Variants in GPR158 observed in about 807,000 individuals in gnomAD.
The protein encoded by GPR158 is G protein-coupled receptor 158, also known as metabotropic glycine receptor.
A neutral mutation model predicts 78.2 loss-of-function variants in GPR158; 30 were observed. The ratio of observed to expected loss-of-function variants is 0.38; its 90% CI spans 0.29 to 0.52. GPR158 has a LOEUF of 0.52. Among genes scored for constraint, GPR158 ranks in the 20% least tolerant of loss-of-function variants. The pLI is 0.83. For missense variants in GPR158, 1,463 were observed against 1,523.5 expected (o/e 0.96, Z 0.66); for synonymous variants, 581 against 591.1 (o/e 0.98, Z 0.25).
chr10:25,252,731 G>C (rs1183917182), intron 2 of GPR158, among the ~76,000 whole-genome samples: 1 of 152,150 alleles, frequency 6.6e-6, no homozygotes, highest in Non-Finnish European at 1.5e-5. Context: ...GTCAGACAGG[G>C]ACATTTAAGT....
intron 1 of GPR158, among the ~76,000 whole-genome samples, chr10:25,216,963 A>G (rs945930426): frequency 9.9e-5 from 15 of 152,170 alleles, no homozygotes; most frequent in Middle Eastern, 3.2e-3. Context: ...CGTGGATTTT[A>G]TTATTTAGGA....
At chr10:25,291,297 G>A (rs796749157) in intron 2 of GPR158, among the ~76,000 whole-genome samples, 1 of 151,912 alleles carries the variant, frequency 6.6e-6, no homozygotes, top group Admixed American at 6.5e-5. Flanking sequence ...TATTAGACAC[G>A]GGCCATAGAT....
intron 2 of GPR158, among the ~76,000 whole-genome samples, chr10:25,316,426 A>G (rs60127599): frequency 0.2 from 30,716 of 152,118 alleles, 5,232 homozygotes; most frequent in African/African-American, 0.47. Flanking sequence ...CAACTTGGTG[A>G]CCATTTGCAA....
chr10:25,569,825 G>A (rs1588916923), intron 6 of GPR158, among the ~76,000 whole-genome samples: 1 of 152,054 alleles, frequency 6.6e-6, no homozygotes, highest in African/African-American at 2.4e-5. Flanking sequence ...GTAGCTATTT[G>A]CAAACTTACT....
chr10:25,532,467 ATTC>A (rs748393133), intron 5 of GPR158, among the ~76,000 whole-genome samples: 18 of 152,046 alleles, frequency 1.2e-4, no homozygotes, highest in Non-Finnish European at 2.1e-4. Flanking sequence ...TTTCCTGTGA[ATTC>A]TTCTGCATTT....
chr10:25,218,505 G>T (rs1230830617), intron 1 of GPR158, among the ~76,000 whole-genome samples: 1 of 152,160 alleles, frequency 6.6e-6, no homozygotes, highest in African/African-American at 2.4e-5. Context: ...TCCACTGTCT[G>T]GGAACTGGAC....
intron 2 of GPR158, among the ~76,000 whole-genome samples, chr10:25,240,475 C>G (rs1853588648): frequency 6.6e-6 from 1 of 152,278 alleles, no homozygotes; most frequent in South Asian, 2.1e-4. Flanking sequence ...TGCCATCCAG[C>G]CTGGGAGACA....
chr10:25,596,597 C>A (rs374629063), intron 9 of GPR158, 46 bp from the exon 10 acceptor site: 3 of 1,465,382 alleles, frequency 2.0e-6, no homozygotes, highest in Non-Finnish European at 2.8e-6. Flanking sequence ...ATATGCAATG[C>A]GTTACAGTGA....
At chr10:25,399,211 A>G (rs927231461) in intron 3 of GPR158, among the ~76,000 whole-genome samples, 4 of 152,248 alleles carry the variant, frequency 2.6e-5, no homozygotes, top group African/African-American at 9.6e-5. Context: ...CTCACTCACT[A>G]TCATGAGAAT....
chr10:25,276,542 C>T (rs1269109806), intron 2 of GPR158, among the ~76,000 whole-genome samples: 1 of 152,076 alleles, frequency 6.6e-6, no homozygotes, highest in Non-Finnish European at 1.5e-5. Flanking sequence ...AGTCATAATG[C>T]TCTAAAACAA....
chr10:25,225,858 A>T (rs1264576515), intron 2 of GPR158, among the ~76,000 whole-genome samples: 1 of 152,186 alleles, frequency 6.6e-6, no homozygotes, highest in Non-Finnish European at 1.5e-5. Context: ...ATTTTAAAGA[A>T]GGCTAAAAAG....
chr10:25,310,710 T>A (rs1854751415), intron 2 of GPR158, among the ~76,000 whole-genome samples: 1 of 152,128 alleles, frequency 6.6e-6, no homozygotes, highest in Non-Finnish European at 1.5e-5. Flanking sequence ...TTATTGCATT[T>A]TTTGGACATT....
At chr10:25,542,028 G>A (rs1836594817) in intron 5 of GPR158, among the ~76,000 whole-genome samples, 2 of 149,592 alleles carry the variant, frequency 1.3e-5, no homozygotes, top group East Asian at 1.9e-4. Context: ...AGCCTCAGAT[G>A]TTCTTCAAAT....
intron 7 of GPR158, among the ~76,000 whole-genome samples, chr10:25,580,355 G>A (rs931189814): frequency 2.0e-5 from 3 of 151,842 alleles, no homozygotes; most frequent in African/African-American, 7.3e-5. Context: ...TGTCTTTCCT[G>A]GTACAATATT....
chr10:25,264,976 A>G (rs929481195), intron 2 of GPR158, among the ~76,000 whole-genome samples: 1 of 152,188 alleles, frequency 6.6e-6, no homozygotes, highest in African/African-American at 2.4e-5. Context: ...GCTTTGGGCT[A>G]TGTATATATC....
chr10:25,350,172 G>A (rs1471991504), intron 2 of GPR158, among the ~76,000 whole-genome samples: 4 of 151,730 alleles, frequency 2.6e-5, no homozygotes, highest in Non-Finnish European at 2.9e-5. Context: ...TGGGTTGACC[G>A]TAACTTACAA....
In GPR158 at chr10:25,278,467, T is replaced by C. The variant is rs76904859; in HGVS notation, c.1008+57310T>C. On this transcript the variant is annotated intron_variant, in intron 2 of 10. Transcript: ENST00000376351. ...ACTAACATATAGCTACCCAGATTAGTAGACTGAAAAAATAGAATGAGGAAG... is the reference window on the plus strand; with the variant it reads ...ACTAACATATAGCTACCCAGATTAGCAGACTGAAAAAATAGAATGAGGAAG... Among the ~76,000 whole-genome samples the C allele has an allele frequency of 1.4e-3, 217 of 152,126 alleles. 1 individual carries two copies. Among genetic ancestry groups the C allele is most frequent in the African/African-American group, 5.1e-3 (213 of 41,530 alleles).
chr10:25,526,568 A>G (rs1324609682), intron 5 of GPR158, among the ~76,000 whole-genome samples: 1 of 152,210 alleles, frequency 6.6e-6, no homozygotes, highest in African/African-American at 2.4e-5. Flanking sequence ...GAGTTGTTAA[A>G]CTATGATAGG....
chr10:25,321,626 T>C (rs1007424098), intron 2 of GPR158, among the ~76,000 whole-genome samples: 1 of 147,604 alleles, frequency 6.8e-6, no homozygotes, highest in African/African-American at 2.5e-5. Context: ...AAAGAATGCT[T>C]ATATAACCCT....
Sources: allele counts gnomAD v4.1 joint callset (sites outside exome capture counted in the v4.1 genomes callset), GRCh38; gene constraint gnomAD v4.1.1; transcripts MANE v1.5; gene names NCBI Gene and HGNC (gene_info 2026-07-23, HGNC 2026-07-21).